The following ZNF451 variants were observed in gnomAD, a reference collection of about 807,000 sequenced individuals.
The protein encoded by ZNF451 is E3 SUMO-protein ligase ZNF451.
Under a neutral mutation model 107.1 loss-of-function variants are expected in ZNF451, and 80 were observed. That is an observed-to-expected ratio of 0.75 (90% CI 0.62 to 0.90). The LOEUF is 0.90. ZNF451 is among the 40% of genes least tolerant of loss of function. ZNF451 has a pLI of 0.00. For synonymous variants in ZNF451, 362 were observed against 406.5 expected (o/e 0.89, Z 1.32); for missense variants, 1,107 against 1,236.2 (o/e 0.90, Z 1.57).
At chr6:57,164,911 A>G (rs1027613629) in intron 14 of ZNF451, 3 of 152,212 alleles carry the variant, frequency 2.0e-5, no homozygotes, top group African/African-American at 7.2e-5. Flanking sequence ...ATTTTTTCAT[A>G]TGGCTTCAAG....
In ZNF451 at chr6:57,148,599, A is replaced by G. The variant is rs1832200382; in HGVS notation, c.2514A>G (p.Ser838=). 6.2e-7 allele frequency: 1 copy of G among 1,613,998 alleles called. No homozygotes were observed. The highest frequency in any genetic ancestry group is 1.1e-5 in the South Asian group (1 of 91,088). The change falls in exon 10 of 15, where the codon TCA becomes TCG. Residue 838 remains serine, a synonymous_variant. Transcript: ENST00000370706. ...TGTACAAGTTTACTGCTAGTGCCTC[A>G]CATACAGAGAGAAAACTGAAACAGG... The part of the protein sequence containing the change: ...SNLYKFTASA[S]HTERKLKQAI...
intron 3 of ZNF451, among the ~76,000 whole-genome samples, chr6:57,119,532 AAAG>A (rs932450514): frequency 6.6e-5 from 10 of 151,822 alleles, no homozygotes; most frequent in African/African-American, 2.2e-4. Context: ...TCAAAAGAAA[AAAG>A]AAGCCAGGGA....
chr6:57,133,305 C>A (rs1304318745), intron 6 of ZNF451, 113 bp downstream of exon 6: 5 of 1,074,210 alleles, frequency 4.7e-6, no homozygotes, highest in African/African-American at 1.6e-5. Context: ...GCTTTATATT[C>A]CAAACTCAAA....
At chr6:57,155,225 C>A (rs1479486301) in intron 13 of ZNF451, among the ~76,000 whole-genome samples, 1 of 151,964 alleles carries the variant, frequency 6.6e-6, no homozygotes, top group Non-Finnish European at 1.5e-5. Context: ...GTGGCTCACA[C>A]CTGTAATCCC....
At chr6:57,117,101 CAG>C (rs1830410807) in intron 3 of ZNF451, among the ~76,000 whole-genome samples, 2 of 152,152 alleles carry the variant, frequency 1.3e-5, no homozygotes, top group South Asian at 4.1e-4. Flanking sequence ...TAGAGAATAA[CAG>C]AGGCAATTTA....
chr6:57,158,914 A>G (rs1309223055), intron 13 of ZNF451: 1 of 985,362 alleles, frequency 1.0e-6, no homozygotes, highest in Non-Finnish European at 1.2e-6. Context: ...AGATTTTTAA[A>G]TCCATCTTAC....
chr6:57,107,353 T>G, intron 3 of ZNF451: 1 of 984,658 alleles, frequency 1.0e-6, no homozygotes, highest in Non-Finnish European at 1.2e-6. Context: ...ATACCATGTC[T>G]TTAAAGCATT....
At position 57,152,346 on chromosome 6, in the gene ZNF451, A is replaced by G. The variant is rs745953389; in HGVS notation, c.2878A>G (p.Met960Val). 1.9e-6 allele frequency: 3 copies of G among 1,613,336 alleles called. No homozygotes were observed. The highest frequency in any genetic ancestry group is 2.5e-6 in the Non-Finnish European group (3 of 1,179,868). ...AGATGCTGCTGATTTTGCCATATGTATGCATGTGAGTCATTGTTTTATTCA... is the reference window on the plus strand; with the variant it reads ...AGATGCTGCTGATTTTGCCATATGTGTGCATGTGAGTCATTGTTTTATTCA... ...RKDAADFAIC[M>V]HAGRLDEQLP... The change falls in exon 12 of 15, where the codon ATG becomes GTG. Residue 960 changes from methionine to valine, a missense_variant. Met to Val is a conservative substitution (Grantham distance 21, BLOSUM62 1). Around this residue, in one of 5 missense-constraint regions of ZNF451, gnomAD observed 151 missense variants for 173.3 expected, o/e 0.87. Transcript: ENST00000370706.
chr6:57,142,000 T>C lies in ZNF451; in HGVS notation c.909T>C (p.Leu303=). Residue 303 remains leucine, a synonymous_variant, in exon 9 of 15, where the codon CTT becomes CTC. Coordinates refer to ENST00000370706, the MANE Select transcript of ZNF451 (RefSeq NM_001031623.3). ...PISFPSFAKK[L]LISLCKDVPF... Reference sequence around the variant, plus strand: ...CTTTCCCATCTTTTGCAAAGAAACTTTTGATCTCTCTGTGCAAAGATGTTC... The same window carrying C: ...CTTTCCCATCTTTTGCAAAGAAACTCTTGATCTCTCTGTGCAAAGATGTTC... The C allele has an allele frequency of 6.2e-7, 1 of 1,614,094 alleles. No homozygotes were observed. Among genetic ancestry groups the C allele is most frequent in the Non-Finnish European group, 8.5e-7 (1 of 1,179,962 alleles).
chr6:57,143,705 G>A (rs1831905510), intron 9 of ZNF451, among the ~76,000 whole-genome samples: 1 of 152,044 alleles, frequency 6.6e-6, no homozygotes, highest in Non-Finnish European at 1.5e-5. Flanking sequence ...CTTGTTGACA[G>A]CCAAGAGCAA....
chr6:57,165,402 ACTTTT>A (rs138409131), intron 14 of ZNF451: 16,157 of 152,120 alleles, frequency 0.11, 1,073 homozygotes, highest in Middle Eastern at 0.17. Context: ...GACTCTGTTT[ACTTTT>A]CTTCATTTTT....
At chr6:57,160,565 G>A (rs1449913264) in intron 13 of ZNF451, among the ~76,000 whole-genome samples, 2 of 152,012 alleles carry the variant, frequency 1.3e-5, no homozygotes, top group East Asian at 1.9e-4. Context: ...GAACTCCTGA[G>A]CTCAGGTGAT....
intron 3 of ZNF451, among the ~76,000 whole-genome samples, chr6:57,111,734 C>T (rs1183535514): frequency 6.6e-6 from 1 of 152,124 alleles, no homozygotes; most frequent in African/African-American, 2.4e-5. Flanking sequence ...TGGTCCTGTA[C>T]TGAAGGAGGA....
At chr6:57,104,840 C>T (rs1406594286) in intron 3 of ZNF451, 9 of 985,206 alleles carry the variant, frequency 9.1e-6, no homozygotes, top group Non-Finnish European at 1.1e-5. Context: ...ACTCTGTTTT[C>T]CTGGAAGTGT....
intron 13 of ZNF451, among the ~76,000 whole-genome samples, chr6:57,160,190 G>A (rs1763608719): frequency 6.6e-6 from 1 of 152,128 alleles, no homozygotes; most frequent in Admixed American, 6.5e-5. Context: ...TCTTATGTTA[G>A]AGTGATACAT....
At chr6:57,103,408 A>T in intron 3 of ZNF451, 2 of 985,402 alleles carry the variant, frequency 2.0e-6, no homozygotes, top group Non-Finnish European at 2.4e-6. Flanking sequence ...TGTAAGAGAC[A>T]GCTTATCTTT....
rs989573052 is a variant in ZNF451 at position 57,148,438 on chromosome 6, C to T, written c.2353C>T (p.Gln785Ter). 1 of 1,613,810 alleles carries T rather than the reference C, an allele frequency of 6.2e-7. No individual in the cohort carries two copies. The highest frequency in any genetic ancestry group is 8.5e-7 in the Non-Finnish European group (1 of 1,179,938). ...CAAAGAAAAGAGTGATGAGGAGGAG[C>T]AGCAGTATGTAATCAAGTGTGGCAC... ...VHKEKSDEEE[Q>*]QYVIKCGTCT... The change falls in exon 10 of 15, where the codon CAG becomes TAG. Residue 785 changes from glutamine (Q) to a stop codon, truncating the protein, a stop_gained. Transcript: ENST00000370706. LOFTEE classifies it high-confidence loss of function.
chr6:57,092,026 T>C (rs1829072523), intron 2 of ZNF451, among the ~76,000 whole-genome samples: 1 of 152,186 alleles, frequency 6.6e-6, no homozygotes, highest in Non-Finnish European at 1.5e-5. Context: ...TGGGGGTGAA[T>C]TGTATCCTGT....
At chr6:57,160,322 T>TTCTCG (rs1211235274) in intron 13 of ZNF451, among the ~76,000 whole-genome samples, 1 of 151,930 alleles carries the variant, frequency 6.6e-6, no homozygotes, top group African/African-American at 2.4e-5. Flanking sequence ...TTCTTTTCTT[T>TTCTCG]TCTCGTCTCG....
Sources: allele counts gnomAD v4.1 joint callset (sites outside exome capture counted in the v4.1 genomes callset), GRCh38; gene constraint gnomAD v4.1.1; regional missense constraint gnomAD v4.1.1; transcripts MANE v1.5; gene names NCBI Gene and HGNC (gene_info 2026-07-23, HGNC 2026-07-21).